The following EFCAB5 variants were observed in gnomAD, a reference collection of about 807,000 sequenced individuals.
The protein encoded by EFCAB5 is EF-hand calcium-binding domain-containing protein 5.
A neutral mutation model predicts 167.9 loss-of-function variants in EFCAB5; 131 were observed. The observed-to-expected ratio is 0.78, with a 90% CI of 0.68 to 0.90. The LOEUF (loss-of-function observed/expected upper bound fraction) is 0.90, where lower values mean the gene tolerates loss of function less well. Ranked by LOEUF, EFCAB5 falls within the 40% of genes least tolerant of loss-of-function variation. The pLI is 0.00. For synonymous variants in EFCAB5, 574 were observed against 602.8 expected (o/e 0.95, Z 0.70); for missense variants, 1,663 against 1,745.2 (o/e 0.95, Z 0.84).
chr17:29,948,234 C>G (rs944374507), intron 3 of EFCAB5, among the ~76,000 whole-genome samples: 4 of 152,168 alleles, frequency 2.6e-5, no homozygotes, highest in African/African-American at 4.8e-5. Context: ...ATATTTGCAC[C>G]TACAAAACTG....
At chr17:30,055,993 T>A (rs1684818527) in intron 11 of EFCAB5, 28 bp downstream of exon 11, 1 of 1,613,374 alleles carries the variant, frequency 6.2e-7, no homozygotes, top group Non-Finnish European at 8.5e-7. Flanking sequence ...CCTCCTTTCA[T>A]TTATACCCTA....
intron 4 of EFCAB5, among the ~76,000 whole-genome samples, chr17:29,983,641 A>G (rs1012017575): frequency 6.6e-6 from 1 of 152,196 alleles, no homozygotes; most frequent in Non-Finnish European, 1.5e-5. Flanking sequence ...GTACTGCCCA[A>G]ATTAAGAGTT....
At chr17:30,069,978 C>G (rs1455048874) in intron 14 of EFCAB5, among the ~76,000 whole-genome samples, 1 of 152,174 alleles carries the variant, frequency 6.6e-6, no homozygotes, top group Non-Finnish European at 1.5e-5. Context: ...GGGGGCTGCT[C>G]CAGTAGCAGG....
intron 9 of EFCAB5, among the ~76,000 whole-genome samples, chr17:30,052,399 T>C (rs539555129): frequency 2.6e-5 from 4 of 152,156 alleles, no homozygotes; most frequent in Non-Finnish European, 4.4e-5. Context: ...ACTCCTGACC[T>C]CAGGCATCCA....
chr17:30,033,434 T>C (rs1372888409), intron 7 of EFCAB5, among the ~76,000 whole-genome samples: 1 of 152,220 alleles, frequency 6.6e-6, no homozygotes, highest in Non-Finnish European at 1.5e-5. Context: ...TGATCACTTC[T>C]CTCTATCACA....
chr17:29,948,601 G>C (rs1260760264), intron 3 of EFCAB5, among the ~76,000 whole-genome samples: 1 of 152,154 alleles, frequency 6.6e-6, no homozygotes, highest in Non-Finnish European at 1.5e-5. Flanking sequence ...GTCAAAGGAA[G>C]TGTCTTCATC....
chr17:30,050,921 G>A (rs866498778), intron 8 of EFCAB5, among the ~76,000 whole-genome samples, 197 bp from the exon 9 acceptor site: 1 of 152,270 alleles, frequency 6.6e-6, no homozygotes, highest in South Asian at 2.1e-4. Context: ...ATTTTGACAC[G>A]TCACAGAATG....
At chr17:30,076,797 C>T (rs186420885) in intron 14 of EFCAB5, among the ~76,000 whole-genome samples, 8 of 152,180 alleles carry the variant, frequency 5.3e-5, no homozygotes, top group South Asian at 2.1e-4. Flanking sequence ...TGAGAATAAC[C>T]GAAACACCCA....
At chr17:30,058,117 G>T (rs1470181129) in intron 13 of EFCAB5, among the ~76,000 whole-genome samples, 1 of 152,184 alleles carries the variant, frequency 6.6e-6, no homozygotes, top group Non-Finnish European at 1.5e-5. Flanking sequence ...CCTAGCAGGA[G>T]ATGGTTTATT....
rs972388186 is a variant in EFCAB5 at position 29,999,919 on chromosome 17, A to G, written c.987A>G (p.Lys329=). The part of the protein sequence containing the change: ...NPDFKLGSHC[K]QLDITDSTEP... ...TTCCATAAATAGGATCACACTGCAAACAACTGGATATTACTGACTCAACAG... is the reference window on the plus strand; with the variant it reads ...TTCCATAAATAGGATCACACTGCAAGCAACTGGATATTACTGACTCAACAG... The change falls in exon 7 of 23, where the codon AAA becomes AAG. Residue 329 remains lysine (K), a synonymous_variant. Transcript: ENST00000394835. 6.3e-6 allele frequency: 10 copies of G among 1,584,448 alleles called. No individual in the cohort carries two copies. Among genetic ancestry groups the G allele is most frequent in the Non-Finnish European group, 8.6e-6 (10 of 1,163,732 alleles).
chr17:30,008,315 G>A (rs1348034468), intron 7 of EFCAB5, among the ~76,000 whole-genome samples: 2 of 151,768 alleles, frequency 1.3e-5, no homozygotes, highest in Non-Finnish European at 2.9e-5. Context: ...TTTTAAGGCT[G>A]GGTGAGGTGG....
intron 3 of EFCAB5, among the ~76,000 whole-genome samples, chr17:29,965,896 G>A (rs2067818105): frequency 6.6e-6 from 1 of 151,672 alleles, no homozygotes; most frequent in Admixed American, 6.6e-5. Flanking sequence ...AATTTTTGTT[G>A]CTATAATGAC....
At chr17:29,980,887 A>C (rs2151607020) in intron 4 of EFCAB5, among the ~76,000 whole-genome samples, 1 of 152,340 alleles carries the variant, frequency 6.6e-6, no homozygotes, top group Non-Finnish European at 1.5e-5. Flanking sequence ...TCAAGCCAAA[A>C]ACTAGCAAAT....
At chr17:30,087,210 T>A (rs1183450139) in intron 19 of EFCAB5, 44 bp downstream of exon 19, 14 of 1,527,450 alleles carry the variant, frequency 9.2e-6, no homozygotes, top group Non-Finnish European at 1.3e-5. Context: ...AACACATCCT[T>A]CTGGTACAAT....
At chr17:30,103,001 G>A (rs1030890178) in intron 22 of EFCAB5, among the ~76,000 whole-genome samples, 6 of 151,132 alleles carry the variant, frequency 4.0e-5, no homozygotes, top group South Asian at 2.1e-4. Context: ...ACCATGCCCA[G>A]CTAATTTTTG....
At chr17:30,080,445 T>C (rs1376081382) in intron 16 of EFCAB5, among the ~76,000 whole-genome samples, 1 of 152,196 alleles carries the variant, frequency 6.6e-6, no homozygotes, top group African/African-American at 2.4e-5. Flanking sequence ...ATTCGCCACA[T>C]GGGGACTCTG....
At chr17:29,968,561 G>A (rs922080760) in intron 3 of EFCAB5, among the ~76,000 whole-genome samples, 14 of 152,246 alleles carry the variant, frequency 9.2e-5, no homozygotes, top group African/African-American at 2.6e-4. Context: ...AACAGAAACA[G>A]CCTACGTATT....
chr17:30,016,689 AAAACAAT>A (rs1342570885), intron 7 of EFCAB5, among the ~76,000 whole-genome samples: 1 of 152,202 alleles, frequency 6.6e-6, no homozygotes, highest in Admixed American at 6.5e-5. Flanking sequence ...ATACAATTGG[AAAACAAT>A]AAACTTAAAA....
At chr17:30,087,221 A>G in intron 19 of EFCAB5, 55 bp downstream of exon 19, 1 of 1,448,146 alleles carries the variant, frequency 6.9e-7, no homozygotes, top group South Asian at 1.2e-5. Context: ...CTGGTACAAT[A>G]GTAGACCTGA....
Sources: gnomAD v4.1 joint callset for allele counts (sites outside exome capture counted in the v4.1 genomes callset) on GRCh38, gnomAD v4.1.1 for gene constraint, MANE v1.5 for transcripts, NCBI Gene and HGNC (gene_info 2026-07-23, HGNC 2026-07-21) for gene names.